The following FABP6 variants were observed in gnomAD, a reference collection of about 807,000 sequenced individuals.
FABP6 encodes fatty acid binding protein 6, also known as gastrotropin.
FABP6 carries 13 observed loss-of-function variants against 14.9 expected under a neutral mutation model. The observed-to-expected ratio is 0.87, with a 90% confidence interval of 0.57 to 1.39. The LOEUF (loss-of-function observed/expected upper bound fraction) is 1.39, where lower values mean the gene tolerates loss of function less well. Ranked by LOEUF, FABP6 falls within the 40% of genes most tolerant of loss-of-function variation. FABP6 has a pLI of 0.00. For missense variants in FABP6, 161 were observed against 167.2 expected (o/e 0.96, Z 0.20); for synonymous variants, 75 against 63.6 (o/e 1.18, Z -0.85).
chr5:160,220,869 T>C (rs1005408862), intron 3 of FABP6, among the ~76,000 whole-genome samples: 43 of 151,668 alleles, frequency 2.8e-4, no homozygotes, highest in Non-Finnish European at 5.3e-4. Context: ...GGGTGGATCA[T>C]TTGAGATCAG....
At chr5:160,219,081 A>G (rs1760078294) in intron 3 of FABP6, among the ~76,000 whole-genome samples, 1 of 152,182 alleles carries the variant, frequency 6.6e-6, no homozygotes, top group Non-Finnish European at 1.5e-5. Context: ...CTAGGGATCG[A>G]TGCCAACTAG....
At chr5:160,234,427 A>ATTTT (rs34564042) in intron 2 of FABP6, among the ~76,000 whole-genome samples, 1 of 65,894 alleles carries the variant, frequency 1.5e-5, no homozygotes, top group Non-Finnish European at 3.0e-5. Flanking sequence ...TGGTAAATTC[A>ATTTT]TTTTTTTTTT....
chr5:160,203,248 G>A (rs1047153876), intron 2 of FABP6, among the ~76,000 whole-genome samples: 17 of 152,126 alleles, frequency 1.1e-4, no homozygotes, highest in African/African-American at 3.6e-4. Context: ...AAGCAGAAAC[G>A]GGGAACAAAA....
At chr5:160,236,415 G>T (rs1439049579) in intron 3 of FABP6, among the ~76,000 whole-genome samples, 1 of 152,070 alleles carries the variant, frequency 6.6e-6, no homozygotes, top group Non-Finnish European at 1.5e-5. Flanking sequence ...CATCACACTG[G>T]GGCTTTGACC....
At chr5:160,192,737 G>A (rs373713144) in intron 1 of FABP6, among the ~76,000 whole-genome samples, 4 of 152,258 alleles carry the variant, frequency 2.6e-5, no homozygotes, top group East Asian at 1.9e-4. Context: ...CAGGCAAGGC[G>A]CATGCGCCCA....
intron 1 of FABP6, among the ~76,000 whole-genome samples, chr5:160,194,536 G>A (rs984239650): frequency 6.6e-6 from 1 of 151,950 alleles, no homozygotes; most frequent in African/African-American, 2.4e-5. Flanking sequence ...GCAAGACCCG[G>A]TCTCAAAAAA....
intron 2 of FABP6, among the ~76,000 whole-genome samples, chr5:160,205,196 C>CCA (rs1759735761): frequency 6.6e-6 from 1 of 151,590 alleles, no homozygotes; most frequent in African/African-American, 2.4e-5. Context: ...AGACAAGATA[C>CCA]CATTAATGAT....
intron 2 of FABP6, among the ~76,000 whole-genome samples, chr5:160,202,736 A>G (rs1759670535): frequency 6.9e-6 from 1 of 145,170 alleles, no homozygotes; most frequent in Non-Finnish European, 1.5e-5. Context: ...CCTGGGAGGT[A>G]GAGCTTGCAG....
At chr5:160,213,797 T>C in exon 3 of FABP6, 1 of 1,613,772 alleles carries the variant, frequency 6.2e-7, no homozygotes, top group African/African-American at 1.3e-5. Flanking sequence ...CTGCAGAGAA[T>C]GAAACAGACA....
rs140700829 is a variant in FABP6 at position 160,238,639 on chromosome 5, G to C, written c.367G>C (p.Val123Leu). 66 of 1,613,928 alleles carry C rather than the reference G, an allele frequency of 4.1e-5. No homozygotes were observed. The highest frequency in any genetic ancestry group is 5.0e-5 in the Non-Finnish European group (59 of 1,179,954). Reference sequence around the variant, plus strand: ...CATCGGAGGCGTGACCTATGAGCGCGTGAGCAAGAGACTGGCCTAAGCAGC... The same window carrying C: ...CATCGGAGGCGTGACCTATGAGCGCCTGAGCAAGAGACTGGCCTAAGCAGC... ...STIGGVTYER[V>L]SKRLA Residue 123 changes from valine to leucine, a missense_variant, in exon 4 of 4, where the codon GTG becomes CTG. Coordinates refer to ENST00000402432, the MANE Select transcript of FABP6 (RefSeq NM_001445.3).
At chr5:160,223,433 CT>C (rs1440918186) in intron 3 of FABP6, among the ~76,000 whole-genome samples, 3 of 126,238 alleles carry the variant, frequency 2.4e-5, no homozygotes, top group South Asian at 2.8e-4. Context: ...TTACTTCTTC[CT>C]TTTTTTTTGA....
chr5:160,187,618 G>T (rs1279681732), intron 1 of FABP6, among the ~76,000 whole-genome samples: 2 of 152,128 alleles, frequency 1.3e-5, no homozygotes, highest in South Asian at 2.1e-4. Context: ...GGGGAACAAG[G>T]GTGCAGGTGA....
In FABP6 at chr5:160,200,661, G is replaced by A. The variant is rs368669553; in HGVS notation, c.51+1504G>A. Among the ~76,000 whole-genome samples the A allele has an allele frequency of 7.8e-3, 1,182 of 152,218 alleles. 4 individuals carry two copies. The highest frequency in any genetic ancestry group is 0.011 in the Non-Finnish European group (777 of 68,008). The stretch of plus-strand genomic sequence containing the variant: ...ACTCCTGACCTCAGGTGATCCACCC[G>A]CCTTGGCCTCCCAAAGTGCTGGGGT... On this transcript the variant is annotated intron_variant, in intron 2 of 6. Coordinates refer to the FABP6 transcript ENST00000393980.
rs539446352 is a variant in FABP6, at chr5:160,232,211, A to T, written c.181A>T (p.Thr61Ser). The change falls in exon 2 of 4, where the codon ACC becomes TCC. Residue 61 changes from threonine (T) to serine (S), a missense_variant. Coordinates refer to ENST00000402432, the MANE Select transcript of FABP6 (RefSeq NM_001445.3). ...SQHYSGGHTMTNKFTVGKESN... is the reference protein window; with the variant it reads ...SQHYSGGHTMSNKFTVGKESN... The stretch of plus-strand genomic sequence containing the variant: ...GCACTACTCCGGGGGCCACACCATG[A>T]CCAACAAGTTCACTGTTGGCAAGGA... 6 of 1,613,224 alleles carry T rather than the reference A, an allele frequency of 3.7e-6. No homozygotes were observed. Among genetic ancestry groups the T allele is most frequent in the Non-Finnish European group, 5.1e-6 (6 of 1,179,680 alleles).
intron 3 of FABP6, among the ~76,000 whole-genome samples, chr5:160,222,387 G>A (rs558238863): frequency 5.5e-4 from 84 of 152,216 alleles, no homozygotes; most frequent in African/African-American, 2.0e-3. Flanking sequence ...AGGCTGGAGT[G>A]CAGTGGTACC....
At chr5:160,189,382 C>T (rs1759351579) in intron 1 of FABP6, among the ~76,000 whole-genome samples, 1 of 152,068 alleles carries the variant, frequency 6.6e-6, no homozygotes, top group South Asian at 2.1e-4. Context: ...GCTGGGATTA[C>T]AGGCGCCCAC....
At chr5:160,229,930 G>GT (rs1760340176) in intron 1 of FABP6, among the ~76,000 whole-genome samples, 1 of 150,804 alleles carries the variant, frequency 6.6e-6, no homozygotes, top group African/African-American at 2.4e-5. Context: ...CTGGAGTGCA[G>GT]TGGCACCATC....
chr5:160,202,927 G>GT (rs1453758637), intron 2 of FABP6, among the ~76,000 whole-genome samples: 2 of 151,492 alleles, frequency 1.3e-5, no homozygotes, highest in Non-Finnish European at 2.9e-5. Context: ...TTGAGATGGA[G>GT]TTTCACTCTT....
intron 3 of FABP6, among the ~76,000 whole-genome samples, chr5:160,216,381 C>T (rs1760013705): frequency 6.6e-6 from 1 of 151,942 alleles, no homozygotes; most frequent in Non-Finnish European, 1.5e-5. Flanking sequence ...AATTCTCCTG[C>T]CTCAGCCTCC....
Sources: allele counts gnomAD v4.1 joint callset (sites outside exome capture counted in the v4.1 genomes callset), GRCh38; gene constraint gnomAD v4.1.1; transcripts MANE v1.5; gene names NCBI Gene and HGNC (gene_info 2026-07-23, HGNC 2026-07-21).